NFIB: variants seen among roughly 807,000 people sequenced by gnomAD.
NFIB encodes nuclear factor 1 B-type.
NFIB carries 11 observed loss-of-function variants against 61.5 expected under a neutral mutation model. The ratio of observed to expected loss-of-function variants is 0.18; its 90% CI spans 0.11 to 0.30. The LOEUF (loss-of-function observed/expected upper bound fraction) is 0.30, where lower values mean the gene tolerates loss of function less well. NFIB is among the 10% of genes least tolerant of loss of function. The pLI is 1.00. For missense variants in NFIB, 471 were observed against 608.9 expected, an observed-to-expected ratio of 0.77 and a Z score of 2.38; for synonymous variants, 260 against 216.5, an observed-to-expected ratio of 1.20 and a Z score of -1.76.
intron 2 of NFIB, among the ~76,000 whole-genome samples, chr9:14,184,831 G>T (rs1378062566): frequency 1.3e-5 from 2 of 152,076 alleles, no homozygotes; most frequent in Admixed American, 1.3e-4. Context: ...GACCAGCCTG[G>T]CCAACGTGGT....
chr9:14,466,083 T>G, the NFIB span, among the ~76,000 whole-genome samples: 7 of 152,078 alleles, frequency 4.6e-5, no homozygotes, highest in African/African-American at 1.7e-4. Context: ...AGAAGCAGAA[T>G]GCAGGAAGGA....
At chr9:14,201,257 C>G (rs939054739) in intron 2 of NFIB, among the ~76,000 whole-genome samples, 1 of 152,196 alleles carries the variant, frequency 6.6e-6, no homozygotes, top group African/African-American at 2.4e-5. Flanking sequence ...CAATTGCTAG[C>G]TAGGATAATC....
At position 14,087,383 on chromosome 9, in the gene NFIB, G is replaced by A. The variant is rs1309424426; in HGVS notation, c.*926C>T. 1.9e-5 allele frequency: 4 copies of A among 207,870 alleles called. No homozygotes were observed. The highest frequency in any genetic ancestry group is 1.2e-4 in the Admixed American group (2 of 16,866). The allele number at this position is 207,870 out of a possible 1,614,324, so 12.9% of individuals were successfully genotyped here. ...CCCCTCAATTTAGAGTCCAAGGGCT[G>A]AAGGACTTATAATCATGATTCCCCT... is the stretch of plus-strand genomic sequence containing the variant. On this transcript the variant is annotated 3_prime_UTR_variant, in exon 11 of 11. Transcript: ENST00000380953.
chr9:14,428,727 C>T, the NFIB span, among the ~76,000 whole-genome samples: 1 of 152,150 alleles, frequency 6.6e-6, no homozygotes, highest in African/African-American at 2.4e-5. Flanking sequence ...CTTTTAAAAT[C>T]ACCTCTGGAT....
intron 1 of NFIB, among the ~76,000 whole-genome samples, chr9:14,320,073 C>T (rs1373488484): frequency 2.0e-5 from 3 of 152,150 alleles, no homozygotes; most frequent in Non-Finnish European, 4.4e-5. Context: ...TTCATGACAT[C>T]ACATTCACTC....
At chr9:14,349,766 A>C (rs1004520661) in intron 1 of NFIB, among the ~76,000 whole-genome samples, 1 of 152,202 alleles carries the variant, frequency 6.6e-6, no homozygotes, top group African/African-American at 2.4e-5. Flanking sequence ...TGCGGAAAAA[A>C]GAATTTATTA....
chr9:14,514,323 TACATACAC>T, the NFIB span, among the ~76,000 whole-genome samples: 1 of 147,330 alleles, frequency 6.8e-6, no homozygotes, highest in African/African-American at 2.5e-5. Flanking sequence ...CATACATACA[TACATACAC>T]ACACACACAC....
chr9:14,228,037 T>C (rs2052652296), intron 2 of NFIB, among the ~76,000 whole-genome samples: 1 of 152,206 alleles, frequency 6.6e-6, no homozygotes, highest in Non-Finnish European at 1.5e-5. Context: ...ATCAGATGAC[T>C]CATACAACTT....
chr9:14,197,563 A>G (rs1299485077), intron 2 of NFIB, among the ~76,000 whole-genome samples: 1 of 152,216 alleles, frequency 6.6e-6, no homozygotes, highest in East Asian at 1.9e-4. Context: ...CCTTATTACT[A>G]TTTATAAAAG....
chr9:14,097,711 T>C (rs1340628274), intron 10 of NFIB, among the ~76,000 whole-genome samples: 1 of 152,050 alleles, frequency 6.6e-6, no homozygotes, highest in Non-Finnish European at 1.5e-5. Flanking sequence ...TTGAAAGTTA[T>C]TTTTTGTTTA....
chr9:14,231,135 A>AAAATATATAT (rs55959148), intron 2 of NFIB, among the ~76,000 whole-genome samples: 3 of 35,344 alleles, frequency 8.5e-5, no homozygotes, highest in East Asian at 8.5e-4. Flanking sequence ...AAAAAAAAAA[A>AAAATATATAT]ATATATATAT....
intron 2 of NFIB, among the ~76,000 whole-genome samples, chr9:14,262,054 G>A (rs1378260104): frequency 6.6e-6 from 1 of 152,068 alleles, no homozygotes; most frequent in Non-Finnish European, 1.5e-5. Flanking sequence ...ATCGGTTTCT[G>A]AGCCCTGACA....
At chr9:14,248,494 C>G (rs531514553) in intron 2 of NFIB, among the ~76,000 whole-genome samples, 1 of 152,224 alleles carries the variant, frequency 6.6e-6, no homozygotes, top group African/African-American at 2.4e-5. Context: ...TGGTCTCAAA[C>G]TCTTGAACTC....
At chr9:14,489,953 T>C in the NFIB span, among the ~76,000 whole-genome samples, 1 of 152,140 alleles carries the variant, frequency 6.6e-6, no homozygotes, top group African/African-American at 2.4e-5. Flanking sequence ...TTAGGTGGTT[T>C]TGCTTCAGTG....
chr9:14,153,902 A>G (rs530623277), intron 4 of NFIB, among the ~76,000 whole-genome samples: 2 of 152,142 alleles, frequency 1.3e-5, no homozygotes, highest in Non-Finnish European at 2.9e-5. Flanking sequence ...TTTCAGAGAC[A>G]CCTATTTACA....
chr9:14,239,191 T>C (rs947131469), intron 2 of NFIB, among the ~76,000 whole-genome samples: 4 of 152,220 alleles, frequency 2.6e-5, no homozygotes, highest in African/African-American at 9.6e-5. Flanking sequence ...GTATTTTGTA[T>C]TCACAATGTT....
the NFIB span, among the ~76,000 whole-genome samples, chr9:14,525,670 T>C: frequency 2.0e-5 from 3 of 152,120 alleles, no homozygotes; most frequent in African/African-American, 4.8e-5. Flanking sequence ...TGAGAAAATA[T>C]TTCAGGAGTC....
intron 2 of NFIB, among the ~76,000 whole-genome samples, chr9:14,236,748 G>A (rs942349764): frequency 6.6e-6 from 1 of 151,956 alleles, no homozygotes; most frequent in Non-Finnish European, 1.5e-5. Context: ...ATAGCACTGG[G>A]TAGGAAATGT....
chr9:14,106,925 C>G (rs1421658194), intron 10 of NFIB, among the ~76,000 whole-genome samples: 1 of 152,046 alleles, frequency 6.6e-6, no homozygotes, highest in African/African-American at 2.4e-5. Flanking sequence ...ACCAATAAAC[C>G]ATTAAACTGT....
Sources: gnomAD v4.1 joint callset for allele counts (sites outside exome capture counted in the v4.1 genomes callset) on GRCh38, gnomAD v4.1.1 for gene constraint, MANE v1.5 for transcripts, NCBI Gene and HGNC (gene_info 2026-07-23, HGNC 2026-07-21) for gene names.